The following CMTM8 variants were observed in gnomAD, a reference collection of about 807,000 sequenced individuals.
CMTM8 encodes CKLF like MARVEL transmembrane domain containing 8.
CMTM8 carries 12 observed loss-of-function variants against 18.6 expected under a neutral mutation model. The observed-to-expected ratio is 0.65, with a 90% CI of 0.41 to 1.05. CMTM8 has a LOEUF of 1.05. Among genes scored for constraint, CMTM8 ranks in the 50% least tolerant of loss-of-function variants. The pLI is 0.00. For missense variants in CMTM8, 217 were observed against 227.2 expected (o/e 0.95, Z 0.29); for synonymous variants, 87 against 90.6 (o/e 0.96, Z 0.23).
At chr3:32,276,222 G>C (rs4572808) in intron 1 of CMTM8, among the ~76,000 whole-genome samples, 75,587 of 151,818 alleles carry the variant, frequency 0.5, 18,978 homozygotes, top group Middle Eastern at 0.6. Context: ...TCCTTCTGTT[G>C]TTCAGGGAAA....
intron 1 of CMTM8, among the ~76,000 whole-genome samples, chr3:32,318,564 ATTTTTTT>A (rs1215037595): frequency 1.4e-4 from 18 of 125,282 alleles, no homozygotes; most frequent in African/African-American, 5.2e-4. Flanking sequence ...GTCATTATTA[ATTTTTTT>A]TTTTTTTTTT....
intron 1 of CMTM8, among the ~76,000 whole-genome samples, chr3:32,303,616 T>C (rs1415393462): frequency 6.6e-6 from 1 of 152,154 alleles, no homozygotes; most frequent in Non-Finnish European, 1.5e-5. Context: ...GTAACCGAGC[T>C]TCCCCCCTCC....
At position 32,296,014 on chromosome 3, in the gene CMTM8, C is replaced by T. The variant is rs186671225; in HGVS notation, c.147+56895C>T. Reference sequence around the variant, plus strand: ...TATATATCCTTTAAATCCTTTTGTTCTGTCTTGGATGTCACTGTCTTCAGG... The same window carrying T: ...TATATATCCTTTAAATCCTTTTGTTTTGTCTTGGATGTCACTGTCTTCAGG... On this transcript the variant is annotated intron_variant, in intron 1 of 3. Coordinates refer to ENST00000307526, the MANE Select transcript of CMTM8 (RefSeq NM_178868.5). 1.1e-3 allele frequency among the ~76,000 whole-genome samples: 170 copies of T among 152,264 alleles called. 1 individual carries two copies. The highest frequency in any genetic ancestry group is 1.3e-4 in the Non-Finnish European group (9 of 68,024).
At chr3:32,253,344 CTTTTTT>C (rs151296321) in intron 1 of CMTM8, among the ~76,000 whole-genome samples, 1 of 132,154 alleles carries the variant, frequency 7.6e-6, no homozygotes, top group Non-Finnish European at 1.6e-5. Context: ...GTCCCTTTAT[CTTTTTT>C]TTTTTTTTTT....
At chr3:32,348,928 A>C (rs529121001) in intron 1 of CMTM8, among the ~76,000 whole-genome samples, 1 of 151,590 alleles carries the variant, frequency 6.6e-6, no homozygotes, top group Non-Finnish European at 1.5e-5. Context: ...ATCATGCAGC[A>C]TTTCTATTGA....
Position 32,238,863 on chromosome 3 carries a change from G to C in CMTM8, c.-110G>C. 9.6e-7 allele frequency: 1 copy of C among 1,042,406 alleles called. No homozygotes were observed. Among genetic ancestry groups the C allele is most frequent in the Non-Finnish European group, 1.3e-6 (1 of 799,164 alleles). 64.6% of individuals were successfully genotyped at this position (1,042,406 alleles called of 1,614,324 possible). On this transcript the variant is annotated 5_prime_UTR_variant, in exon 1 of 4. Coordinates refer to ENST00000307526, the MANE Select transcript of CMTM8 (RefSeq NM_178868.5). ...CCCCCTCGCACCTCCTGCCCCGCGCGGGCCGCGCTCCCCTCCCCCGCGCCT... is the reference window on the plus strand; with the variant it reads ...CCCCCTCGCACCTCCTGCCCCGCGCCGGCCGCGCTCCCCTCCCCCGCGCCT...
intron 1 of CMTM8, among the ~76,000 whole-genome samples, chr3:32,253,675 G>C (rs369251884): frequency 6.6e-6 from 1 of 151,766 alleles, no homozygotes; most frequent in Non-Finnish European, 1.5e-5. Flanking sequence ...TAAACTAATC[G>C]TGGTAATTTA....
At chr3:32,273,277 A>G (rs981186836) in intron 1 of CMTM8, among the ~76,000 whole-genome samples, 2 of 152,020 alleles carry the variant, frequency 1.3e-5, no homozygotes, top group African/African-American at 2.4e-5. Flanking sequence ...ATTTTTAAAC[A>G]TGTTGCTGAG....
chr3:32,332,390 G>A (rs538615969), intron 1 of CMTM8, among the ~76,000 whole-genome samples: 3 of 152,168 alleles, frequency 2.0e-5, no homozygotes, highest in Non-Finnish European at 2.9e-5. Context: ...GAGAGAGGGG[G>A]CTTCTTAGCT....
At chr3:32,271,564 C>T (rs1300311716) in intron 1 of CMTM8, among the ~76,000 whole-genome samples, 1 of 152,204 alleles carries the variant, frequency 6.6e-6, no homozygotes, top group South Asian at 2.1e-4. Flanking sequence ...TCCATATTGA[C>T]ATAGGTAGCT....
At chr3:32,262,249 C>A (rs1391108256) in intron 1 of CMTM8, among the ~76,000 whole-genome samples, 1 of 152,168 alleles carries the variant, frequency 6.6e-6, no homozygotes, top group Non-Finnish European at 1.5e-5. Context: ...AAAAGAAGTA[C>A]CTTCTTGGCT....
chr3:32,289,558 T>C (rs1249779823), intron 1 of CMTM8, among the ~76,000 whole-genome samples: 1 of 152,176 alleles, frequency 6.6e-6, no homozygotes, highest in Non-Finnish European at 1.5e-5. Flanking sequence ...ACAGTAAGTA[T>C]TGAGCACAAT....
chr3:32,288,843 T>C (rs1045503376), intron 1 of CMTM8, among the ~76,000 whole-genome samples: 4 of 152,216 alleles, frequency 2.6e-5, no homozygotes, highest in Admixed American at 2.6e-4. Flanking sequence ...CAGTGAGCTA[T>C]CTCAGTCGAA....
At chr3:32,307,848 G>A (rs1034370500) in intron 1 of CMTM8, among the ~76,000 whole-genome samples, 4 of 152,176 alleles carry the variant, frequency 2.6e-5, no homozygotes. Context: ...GATGTTGCTG[G>A]TCTGGGACCA....
intron 1 of CMTM8, among the ~76,000 whole-genome samples, chr3:32,283,570 C>T (rs1174203576): frequency 1.6e-4 from 24 of 152,208 alleles, no homozygotes; most frequent in Admixed American, 1.6e-3. Flanking sequence ...CGGGACACGT[C>T]TAGGCATTTC....
At chr3:32,249,056 T>TTTG (rs1702080419) in intron 1 of CMTM8, among the ~76,000 whole-genome samples, 1 of 146,236 alleles carries the variant, frequency 6.8e-6, no homozygotes, top group Non-Finnish European at 1.5e-5. Flanking sequence ...TTTTTTTTTT[T>TTTG]TTGATACGGA....
chr3:32,305,350 G>A (rs947267786), intron 1 of CMTM8, among the ~76,000 whole-genome samples: 61 of 151,898 alleles, frequency 4.0e-4, no homozygotes, highest in African/African-American at 1.4e-3. Flanking sequence ...CCTGCGACTG[G>A]AGACATTTTT....
chr3:32,301,531 G>A (rs919532970), intron 1 of CMTM8, among the ~76,000 whole-genome samples: 2 of 152,120 alleles, frequency 1.3e-5, no homozygotes, highest in Admixed American at 1.3e-4. Context: ...TGCAGAAAGT[G>A]GTCAAGGGAG....
At chr3:32,332,885 A>G (rs1399301147) in intron 1 of CMTM8, among the ~76,000 whole-genome samples, 3 of 151,982 alleles carry the variant, frequency 2.0e-5, no homozygotes, top group Non-Finnish European at 4.4e-5. Flanking sequence ...CTCATTTCTT[A>G]CTGTTATCCT....
Sources: allele counts gnomAD v4.1 joint callset (sites outside exome capture counted in the v4.1 genomes callset), GRCh38; gene constraint gnomAD v4.1.1; transcripts MANE v1.5; gene names NCBI Gene and HGNC (gene_info 2026-07-23, HGNC 2026-07-21).